FAM227B: variants seen among roughly 807,000 people sequenced by gnomAD.
FAM227B encodes the protein family with sequence similarity 227 member B, also known as protein FAM227B.
A neutral mutation model predicts 73.8 loss-of-function variants in FAM227B; 88 were observed. The ratio of observed to expected loss-of-function variants is 1.19; its 90% confidence interval spans 1.00 to 1.42. The LOEUF (loss-of-function observed/expected upper bound fraction) is 1.42. Among genes scored for constraint, FAM227B ranks in the 40% most tolerant of loss-of-function variants. FAM227B has a pLI of 0.00. For missense variants in FAM227B, 632 were observed against 590.9 expected, an observed-to-expected ratio of 1.07 and a Z score of -0.72; for synonymous variants, 210 against 190.5, an observed-to-expected ratio of 1.10 and a Z score of -0.84.
At chr15:49,393,221 G>A (rs1163307325) in intron 11 of FAM227B, among the ~76,000 whole-genome samples, 2 of 152,148 alleles carry the variant, frequency 1.3e-5, no homozygotes, top group Non-Finnish European at 2.9e-5. Flanking sequence ...GGGCTCAAAT[G>A]TGAAAGAGAG....
Position 49,435,290 on chromosome 15 carries a change from G to T in FAM227B, c.1013-63891C>A, listed in dbSNP as rs115842247. Among the ~76,000 whole-genome samples, 845 of 151,620 alleles carry T rather than the reference G, an allele frequency of 5.6e-3. 6 individuals are homozygous for T. The highest frequency in any genetic ancestry group is 0.019 in the African/African-American group (805 of 41,454). On this transcript the variant is annotated intron_variant, in intron 11 of 15. Transcript: ENST00000299338. The stretch of plus-strand genomic sequence containing the variant: ...TTCCCTAACAGTTTCTAAAATGTGA[G>T]AAAAATAATTTTGAGTCATATGTTT...
intron 10 of FAM227B, among the ~76,000 whole-genome samples, chr15:49,525,675 T>C (rs1281592340): frequency 0.018 from 362 of 20,246 alleles, 13 homozygotes; most frequent in Middle Eastern, 0.037. Flanking sequence ...AATATATATA[T>C]ATATATATAT....
intron 11 of FAM227B, among the ~76,000 whole-genome samples, chr15:49,491,701 G>GCA (rs376920032): frequency 1.6e-4 from 23 of 144,198 alleles, no homozygotes; most frequent in East Asian, 6.2e-4. Context: ...GTAATTGATT[G>GCA]CACACACACA....
intron 10 of FAM227B, among the ~76,000 whole-genome samples, chr15:49,536,072 C>CAAAAAAAAAAAAAA (rs59203003): frequency 8.8e-6 from 1 of 114,010 alleles, no homozygotes; most frequent in East Asian, 2.4e-4. Context: ...GGCAATCAGA[C>CAAAAAAAAAAAAAA]AAAAAAAAAA....
chr15:49,451,385 T>C (rs16962486), intron 11 of FAM227B, among the ~76,000 whole-genome samples: 46,745 of 151,794 alleles, frequency 0.31, 7,638 homozygotes, highest in East Asian at 0.51. Flanking sequence ...AAGTGTTGAA[T>C]AGTATATATT....
intron 11 of FAM227B, among the ~76,000 whole-genome samples, chr15:49,456,816 T>C (rs1269920870): frequency 6.6e-6 from 1 of 152,060 alleles, no homozygotes; most frequent in Non-Finnish European, 1.5e-5. Flanking sequence ...GATACAGAGT[T>C]GTGAGAATCA....
At chr15:49,600,350 CTTTT>C (rs373443382) in intron 3 of FAM227B, among the ~76,000 whole-genome samples, 3 of 127,886 alleles carry the variant, frequency 2.3e-5, no homozygotes, top group Admixed American at 7.4e-5. Flanking sequence ...TTCTTTCTTT[CTTTT>C]TTTTTTTTTT....
At chr15:49,559,458 C>T (rs1317904350) in intron 9 of FAM227B, among the ~76,000 whole-genome samples, 1 of 152,128 alleles carries the variant, frequency 6.6e-6, no homozygotes, top group Non-Finnish European at 1.5e-5. Flanking sequence ...GCTTATGTTG[C>T]AACTGGCTCT....
In FAM227B at chr15:49,589,778, G is replaced by C; in HGVS notation, c.335C>G (p.Thr112Arg). 6.5e-7 allele frequency: 1 copy of C among 1,539,920 alleles called. No individual in the cohort carries two copies. Among genetic ancestry groups the C allele is most frequent in the South Asian group, 1.1e-5 (1 of 88,906 alleles). Residue 112 changes from threonine to arginine, a missense_variant and splice_region_variant, in exon 4 of 16, where the codon ACA becomes AGA. Thr to Arg is a moderately conservative substitution (Grantham distance 71). Coordinates refer to ENST00000299338, the MANE Select transcript of FAM227B (RefSeq NM_152647.3). ...AGATAAAAATAAATAAGGCTCACTT[G>C]TCTCAGAAATCATGCTTTTCCACTT... ...IFKWKSMISE[T>R]SSYRKLERYG...
intron 11 of FAM227B, among the ~76,000 whole-genome samples, chr15:49,448,337 T>G (rs545789758): frequency 6.6e-6 from 1 of 151,780 alleles, no homozygotes; most frequent in Non-Finnish European, 1.5e-5. Context: ...TCTCTTCCCT[T>G]CTCTCCTTTC....
intron 11 of FAM227B, among the ~76,000 whole-genome samples, chr15:49,404,586 CT>C (rs995060061): frequency 3.3e-5 from 5 of 150,432 alleles, no homozygotes; most frequent in South Asian, 2.1e-4. Context: ...ATTGCAACTC[CT>C]TTTTTTTTCA....
At chr15:49,349,291 T>G (rs1354074836) in intron 13 of FAM227B, among the ~76,000 whole-genome samples, 2 of 152,186 alleles carry the variant, frequency 1.3e-5, no homozygotes, top group African/African-American at 4.8e-5. Context: ...ATCAAGTTCT[T>G]ATAAAAATTA....
intron 11 of FAM227B, among the ~76,000 whole-genome samples, chr15:49,491,191 C>A (rs528902959): frequency 6.6e-6 from 1 of 152,046 alleles, no homozygotes; most frequent in South Asian, 2.1e-4. Flanking sequence ...CATCCTCCTA[C>A]AGCTTTATTA....
intron 11 of FAM227B, among the ~76,000 whole-genome samples, chr15:49,421,573 A>G (rs2151734060): frequency 6.6e-6 from 1 of 152,328 alleles, no homozygotes; most frequent in South Asian, 2.1e-4. Flanking sequence ...TCATTTAAGT[A>G]TTTAGCACTT....
At chr15:49,339,919 C>A (rs9806748) in intron 13 of FAM227B, among the ~76,000 whole-genome samples, 100,625 of 152,002 alleles carry the variant, frequency 0.66, 33,816 homozygotes, top group African/African-American at 0.74. Flanking sequence ...TTACACTGTG[C>A]GGGTAAAACT....
intron 13 of FAM227B, among the ~76,000 whole-genome samples, chr15:49,339,648 C>T (rs890624675): frequency 3.9e-5 from 6 of 152,326 alleles, no homozygotes; most frequent in African/African-American, 7.2e-5. Flanking sequence ...AGAGCTCTAA[C>T]GCTGTGCTGG....
intron 5 of FAM227B, among the ~76,000 whole-genome samples, chr15:49,585,938 A>T (rs914717923): frequency 6.6e-6 from 1 of 152,220 alleles, no homozygotes; most frequent in African/African-American, 2.4e-5. Flanking sequence ...ATATCGTTAA[A>T]ATGACCATAA....
intron 10 of FAM227B, among the ~76,000 whole-genome samples, chr15:49,521,372 T>C (rs918135033): frequency 6.6e-6 from 1 of 152,140 alleles, no homozygotes; most frequent in South Asian, 2.1e-4. Flanking sequence ...TGTGTGGTGA[T>C]CTCTGAAAGG....
At chr15:49,456,996 A>G (rs527913446) in intron 11 of FAM227B, among the ~76,000 whole-genome samples, 15 of 152,116 alleles carry the variant, frequency 9.9e-5, no homozygotes, top group Non-Finnish European at 1.9e-4. Context: ...GCTCAAAATC[A>G]CAGAGCTAGT....
Sources: allele counts gnomAD v4.1 joint callset (sites outside exome capture counted in the v4.1 genomes callset), GRCh38; gene constraint gnomAD v4.1.1; transcripts MANE v1.5; gene names NCBI Gene and HGNC (gene_info 2026-07-23, HGNC 2026-07-21).